Variants in SHISA9 observed in about 807,000 individuals in gnomAD.
SHISA9 encodes the protein protein shisa-9.
SHISA9 carries 13 observed loss-of-function variants against 38.0 expected under a neutral mutation model. The ratio of observed to expected loss-of-function variants is 0.34; its 90% CI spans 0.22 to 0.54. The LOEUF (loss-of-function observed/expected upper bound fraction) is 0.54. Among genes scored for constraint, SHISA9 ranks in the 20% least tolerant of loss-of-function variants. SHISA9 has a pLI of 0.91. For missense variants in SHISA9, 538 were observed against 575.8 expected, an observed-to-expected ratio of 0.93 and a Z score of 0.67; for synonymous variants, 275 against 242.0, an observed-to-expected ratio of 1.14 and a Z score of -1.27.
chr16:13,260,007 C>CTTTGTTTTTTT, the SHISA9 span, among the ~76,000 whole-genome samples: 1 of 60,418 alleles, frequency 1.7e-5, no homozygotes, highest in South Asian at 7.5e-4. Flanking sequence ...TTCTTTCTTT[C>CTTTGTTTTTTT]TTTTTTTTTT....
the SHISA9 span, among the ~76,000 whole-genome samples, chr16:13,366,716 A>G: frequency 0.82 from 124,145 of 151,586 alleles, 50,958 homozygotes; most frequent in East Asian, 0.96. Context: ...GGCCAAGTGC[A>G]GTGACTCATG....
chr16:12,916,005 G>C (rs1320052109), intron 1 of SHISA9, among the ~76,000 whole-genome samples: 1 of 129,112 alleles, frequency 7.7e-6, no homozygotes, highest in Non-Finnish European at 1.6e-5. Context: ...TTGTGTGTGT[G>C]TGTGTGTTTT....
At chr16:13,536,532 A>G in the SHISA9 span, among the ~76,000 whole-genome samples, 1 of 152,240 alleles carries the variant, frequency 6.6e-6, no homozygotes, top group African/African-American at 2.4e-5. Context: ...GCCCTAACAT[A>G]GAGATAAGCA....
At chr16:12,906,368 G>C (rs955950201) in intron 1 of SHISA9, among the ~76,000 whole-genome samples, 1 of 152,160 alleles carries the variant, frequency 6.6e-6, no homozygotes, top group Non-Finnish European at 1.5e-5. Context: ...CAAGATACCA[G>C]TTTGCAGGTT....
chr16:13,392,002 T>C, the SHISA9 span, among the ~76,000 whole-genome samples: 9 of 152,196 alleles, frequency 5.9e-5, no homozygotes, highest in Admixed American at 5.9e-4. Flanking sequence ...TATCTGTTTA[T>C]AGCCATCTGC....
intron 2 of SHISA9, among the ~76,000 whole-genome samples, chr16:13,140,934 G>T (rs112297918): frequency 0.013 from 2,034 of 152,316 alleles, 23 homozygotes; most frequent in Non-Finnish European, 0.021. Context: ...ATACTGGCAT[G>T]TAAAGGGGGA....
chr16:13,368,392 A>G, the SHISA9 span, among the ~76,000 whole-genome samples: 21,918 of 152,014 alleles, frequency 0.14, 1,821 homozygotes, highest in East Asian at 0.39. Context: ...TATCGCTACT[A>G]TATTCAAAAA....
At chr16:13,539,096 A>T in the SHISA9 span, among the ~76,000 whole-genome samples, 1 of 151,758 alleles carries the variant, frequency 6.6e-6, no homozygotes, top group African/African-American at 2.4e-5. Context: ...AGAAGAGATT[A>T]TCTAGTGAGG....
At chr16:13,208,346 C>G (rs1260219884) in intron 3 of SHISA9, among the ~76,000 whole-genome samples, 1 of 152,002 alleles carries the variant, frequency 6.6e-6, no homozygotes, top group East Asian at 1.9e-4. Context: ...AACCTGCCTT[C>G]CTTTCTATTT....
At chr16:13,190,542 C>G (rs897008197) in intron 2 of SHISA9, among the ~76,000 whole-genome samples, 5 of 152,196 alleles carry the variant, frequency 3.3e-5, no homozygotes, top group African/African-American at 1.2e-4. Context: ...CCCCTGCCTT[C>G]TAAAACTGGA....
At chr16:13,342,436 T>C in the SHISA9 span, among the ~76,000 whole-genome samples, 2 of 152,138 alleles carry the variant, frequency 1.3e-5, no homozygotes, top group Admixed American at 6.5e-5. Context: ...TACAGGCATG[T>C]GCCACCATGT....
chr16:13,008,260 T>C (rs1031372213), intron 2 of SHISA9, among the ~76,000 whole-genome samples: 6 of 152,172 alleles, frequency 3.9e-5, no homozygotes, highest in African/African-American at 1.2e-4. Context: ...ATGTGTGCAG[T>C]TGTGACAGTG....
At chr16:13,491,818 C>T in the SHISA9 span, among the ~76,000 whole-genome samples, 17,164 of 44,580 alleles carry the variant, frequency 0.39, 1,846 homozygotes, top group Non-Finnish European at 0.42. Flanking sequence ...ATTTATTGAC[C>T]TTTTTTTTTT....
At chr16:13,390,794 AAAG>A in the SHISA9 span, among the ~76,000 whole-genome samples, 1 of 152,220 alleles carries the variant, frequency 6.6e-6, no homozygotes, top group Non-Finnish European at 1.5e-5. Flanking sequence ...GCTTTGGGAG[AAAG>A]AAGATTTCAT....
chr16:13,209,337 G>C (rs538684593), intron 3 of SHISA9, among the ~76,000 whole-genome samples: 1 of 152,062 alleles, frequency 6.6e-6, no homozygotes, highest in African/African-American at 2.4e-5. Flanking sequence ...CAGTCTGATG[G>C]GAAAGACATA....
intron 3 of SHISA9, among the ~76,000 whole-genome samples, chr16:13,206,628 C>T (rs892124555): frequency 1.3e-5 from 2 of 152,208 alleles, no homozygotes; most frequent in South Asian, 4.1e-4. Context: ...CAGATGGAAT[C>T]ATTCAAATAG....
chr16:13,257,885 A>C, the SHISA9 span, among the ~76,000 whole-genome samples: 1 of 152,138 alleles, frequency 6.6e-6, no homozygotes, highest in African/African-American at 2.4e-5. Context: ...TGGTGACATA[A>C]ACCTGTGCTT....
chr16:13,189,673 G>T (rs760272550), intron 2 of SHISA9, among the ~76,000 whole-genome samples: 1 of 152,226 alleles, frequency 6.6e-6, no homozygotes, highest in Non-Finnish European at 1.5e-5. Context: ...TTTAAGCTGA[G>T]ACCTGAAAGA....
chr16:13,480,982 A>G, the SHISA9 span, among the ~76,000 whole-genome samples: 1 of 152,358 alleles, frequency 6.6e-6, no homozygotes, highest in African/African-American at 2.4e-5. Flanking sequence ...TATAAACAAA[A>G]GCCTTTTTTC....
Sources: gnomAD v4.1 joint callset for allele counts (sites outside exome capture counted in the v4.1 genomes callset) on GRCh38, gnomAD v4.1.1 for gene constraint, MANE v1.5 for transcripts, NCBI Gene and HGNC (gene_info 2026-07-23, HGNC 2026-07-21) for gene names.